Variants in DAB1 observed in about 807,000 individuals in gnomAD.
DAB1 encodes disabled homolog 1.
In DAB1, 15 loss-of-function variants were observed where a neutral mutation model predicts 64.6. The ratio of observed to expected loss-of-function variants is 0.23; its 90% CI spans 0.16 to 0.36. DAB1 has a LOEUF of 0.36. Ranked by LOEUF, DAB1 falls within the 10% of genes least tolerant of loss-of-function variation. DAB1 has a pLI of 1.00. For synonymous variants in DAB1, 235 were observed against 251.9 expected, an observed-to-expected ratio of 0.93 and a Z score of 0.64; for missense variants, 596 against 706.7, an observed-to-expected ratio of 0.84 and a Z score of 1.78.
intron 1 of DAB1, among the ~76,000 whole-genome samples, chr1:57,857,730 A>G (rs1463930895): frequency 1.3e-5 from 2 of 152,120 alleles, no homozygotes; most frequent in Non-Finnish European, 2.9e-5. Context: ...GTACTATGTT[A>G]GAGGTTAGGC....
intron 3 of DAB1, among the ~76,000 whole-genome samples, chr1:58,409,212 G>C (rs1644644492): frequency 6.6e-6 from 1 of 152,042 alleles, no homozygotes; most frequent in African/African-American, 2.4e-5. Context: ...AAATCTAAAG[G>C]CTTTCTAAGA....
At chr1:57,900,454 G>C (rs1644457311) in intron 5 of DAB1, among the ~76,000 whole-genome samples, 1 of 152,322 alleles carries the variant, frequency 6.6e-6, no homozygotes, top group South Asian at 2.1e-4. Flanking sequence ...CCCTGTTCTA[G>C]GATGCCAGTC....
rs1399510534 is a variant in DAB1, at chr1:57,053,660, C to CTCTCTATATA, written c.723+9223_723+9224insTATATAGAGA. On this transcript the variant is annotated intron_variant, in intron 9 of 14. Coordinates refer to ENST00000371236, the MANE Select transcript of DAB1 (RefSeq NM_001365792.1). The stretch of plus-strand genomic sequence containing the variant: ...TCTAAGAATCTCTCTCTCTCTCTCT[C>CTCTCTATATA]TATATGTATATATATATATATATAT... Among the ~76,000 whole-genome samples the CTCTCTATATA allele has an allele frequency of 5.1e-3, 592 of 116,640 alleles. 8 individuals carry two copies. The highest frequency in any genetic ancestry group is 0.019 in the African/African-American group (570 of 30,096). 76.5% of individuals were successfully genotyped at this position (116,640 alleles called of 152,430 possible).
intron 1 of DAB1, among the ~76,000 whole-genome samples, chr1:57,316,862 GC>G (rs1418762453): frequency 3.3e-5 from 5 of 152,114 alleles, no homozygotes; most frequent in African/African-American, 1.2e-4. Context: ...TCTTAAAATG[GC>G]CCCAAGTGAT....
At chr1:58,527,025 A>G (rs1225198490) in intron 2 of DAB1, among the ~76,000 whole-genome samples, 5 of 152,158 alleles carry the variant, frequency 3.3e-5, no homozygotes, top group Admixed American at 3.3e-4. Flanking sequence ...CTATAATCTT[A>G]TGGATTCTGT....
intron 9 of DAB1, among the ~76,000 whole-genome samples, chr1:57,035,392 C>T (rs974359209): frequency 1.3e-5 from 2 of 152,080 alleles, no homozygotes; most frequent in Non-Finnish European, 2.9e-5. Context: ...ATAAAACCCC[C>T]CACCATGTCC....
At chr1:57,555,470 C>G (rs7540619) in intron 7 of DAB1, among the ~76,000 whole-genome samples, 31,681 of 141,722 alleles carry the variant, frequency 0.22, 3,534 homozygotes, top group Middle Eastern at 0.26. Context: ...AACAAACAAA[C>G]AAAAAAGTAT....
At chr1:57,606,462 A>G (rs1421101661) in intron 7 of DAB1, among the ~76,000 whole-genome samples, 2 of 124,662 alleles carry the variant, frequency 1.6e-5, no homozygotes, top group Non-Finnish European at 1.6e-5. Flanking sequence ...TATGAAATAT[A>G]TAATACATAT....
At chr1:57,722,969 G>A (rs903458091) in intron 6 of DAB1, among the ~76,000 whole-genome samples, 2 of 152,150 alleles carry the variant, frequency 1.3e-5, no homozygotes, top group African/African-American at 4.8e-5. Context: ...TCATTTCAGT[G>A]CACTCTGTGA....
intron 6 of DAB1, among the ~76,000 whole-genome samples, chr1:57,715,258 G>C (rs192590433): frequency 6.6e-6 from 1 of 152,052 alleles, no homozygotes; most frequent in African/African-American, 2.4e-5. Flanking sequence ...TCAACATGTT[G>C]GTTTTAGAAG....
At chr1:58,488,753 G>A (rs1204390684) in intron 3 of DAB1, among the ~76,000 whole-genome samples, 1 of 152,168 alleles carries the variant, frequency 6.6e-6, no homozygotes, top group African/African-American at 2.4e-5. Context: ...CCCAGCCCCA[G>A]TGTGTAGTCT....
intron 4 of DAB1, among the ~76,000 whole-genome samples, chr1:57,099,289 A>ATT (rs1654454099): frequency 6.6e-6 from 1 of 152,238 alleles, no homozygotes; most frequent in Non-Finnish European, 1.5e-5. Context: ...AATAGGGTTG[A>ATT]TTGTAGGAAT....
At chr1:57,416,173 T>C (rs72676911) in intron 1 of DAB1, among the ~76,000 whole-genome samples, 1,743 of 152,290 alleles carry the variant, frequency 0.011, 13 homozygotes, top group Non-Finnish European at 0.019. Flanking sequence ...TATACCATAA[T>C]ATATGAATAT....
chr1:57,827,883 T>C (rs1374920207), intron 1 of DAB1, among the ~76,000 whole-genome samples: 3 of 152,186 alleles, frequency 2.0e-5, no homozygotes, highest in Non-Finnish European at 4.4e-5. Context: ...GCCCTTCACT[T>C]ACATTACTTT....
At chr1:58,320,560 CA>C (rs1236398084) in intron 4 of DAB1, among the ~76,000 whole-genome samples, 1 of 152,174 alleles carries the variant, frequency 6.6e-6, no homozygotes, top group Non-Finnish European at 1.5e-5. Flanking sequence ...TGTCTGCAAC[CA>C]AATCACATTC....
At chr1:57,972,054 T>C (rs933166018) in intron 5 of DAB1, among the ~76,000 whole-genome samples, 1 of 152,194 alleles carries the variant, frequency 6.6e-6, no homozygotes, top group Admixed American at 6.5e-5. Flanking sequence ...ATCCAGATGA[T>C]AGTATTTTAA....
intron 1 of DAB1, among the ~76,000 whole-genome samples, chr1:57,384,526 A>G (rs1681645616): frequency 6.6e-6 from 1 of 152,230 alleles, no homozygotes; most frequent in East Asian, 1.9e-4. Flanking sequence ...ATATCCACTG[A>G]CAGATGAATG....
intron 3 of DAB1, among the ~76,000 whole-genome samples, chr1:58,396,307 T>A (rs1644521784): frequency 6.6e-6 from 1 of 152,128 alleles, no homozygotes; most frequent in South Asian, 2.1e-4. Context: ...TCTAGTTGCA[T>A]CTTGTTCCTA....
At chr1:57,681,619 T>G (rs927359418) in intron 6 of DAB1, among the ~76,000 whole-genome samples, 3 of 151,990 alleles carry the variant, frequency 2.0e-5, no homozygotes, top group Non-Finnish European at 4.4e-5. Flanking sequence ...GTACTACATA[T>G]GGTGAAGAAA....
Sources: allele counts gnomAD v4.1 joint callset (sites outside exome capture counted in the v4.1 genomes callset), GRCh38; gene constraint gnomAD v4.1.1; transcripts MANE v1.5; gene names NCBI Gene and HGNC (gene_info 2026-07-23, HGNC 2026-07-21).